Variants in MYO10 observed in about 807,000 individuals in gnomAD.
MYO10 encodes the protein unconventional myosin-X.
MYO10 carries 133 observed loss-of-function variants against 257.3 expected under a neutral mutation model. The observed-to-expected ratio is 0.52, with a 90% CI of 0.45 to 0.60. The LOEUF (loss-of-function observed/expected upper bound fraction) is 0.60. MYO10 is among the 20% of genes least tolerant of loss of function. The pLI is 0.00. For missense variants in MYO10, 2,399 were observed against 2,635.7 expected, an observed-to-expected ratio of 0.91 and a Z score of 1.97; for synonymous variants, 1,104 against 1,028.6, an observed-to-expected ratio of 1.07 and a Z score of -1.40.
intron 11 of MYO10, 35 bp from the exon 12 acceptor site, chr5:16,764,431 C>A (rs1364875080): frequency 6.2e-7 from 1 of 1,609,980 alleles, no homozygotes; most frequent in Non-Finnish European, 8.5e-7. Flanking sequence ...CTCAGCTGAC[C>A]CCGGGCACCC....
intron 21 of MYO10, chr5:16,710,705 G>T: frequency 1.7e-6 from 1 of 584,438 alleles, no homozygotes; most frequent in Non-Finnish European, 3.1e-6. Context: ...ATGAAACAGA[G>T]TCCCTGACAA....
chr5:16,827,146 T>C (rs566912815), intron 2 of MYO10, among the ~76,000 whole-genome samples: 75 of 152,294 alleles, frequency 4.9e-4, no homozygotes, highest in African/African-American at 1.5e-3. Flanking sequence ...GAGAATTTCA[T>C]TGGAATCTAA....
chr5:16,774,640 C>T (rs1741161905), intron 9 of MYO10, among the ~76,000 whole-genome samples: 1 of 152,096 alleles, frequency 6.6e-6, no homozygotes, highest in Non-Finnish European at 1.5e-5. Context: ...CCAGGATGGT[C>T]TCGATCTCCT....
chr5:16,818,496 G>A (rs1326382230), intron 2 of MYO10, among the ~76,000 whole-genome samples: 3 of 151,054 alleles, frequency 2.0e-5, no homozygotes, highest in African/African-American at 7.3e-5. Context: ...GAGTGCAGTG[G>A]CATGATTACA....
chr5:16,868,680 T>C (rs1218281469), intron 2 of MYO10, among the ~76,000 whole-genome samples: 1 of 152,186 alleles, frequency 6.6e-6, no homozygotes. Flanking sequence ...GATTTCTAAC[T>C]TGCAGGATAT....
intron 19 of MYO10, among the ~76,000 whole-genome samples, chr5:16,714,475 T>A (rs1738761449): frequency 6.6e-6 from 1 of 151,798 alleles, no homozygotes; most frequent in Admixed American, 6.5e-5. Flanking sequence ...GGGTCAGATC[T>A]GTGCTGGGTA....
rs1028109790 is a variant in MYO10 at position 16,831,797 on chromosome 5, C to T, written c.121-13630G>A. ...GTATACTACTCAGGTGATGGGTGCA[C>T]CAAAATCTCTCTAATCACCACTAAA... On this transcript the variant is annotated intron_variant, in intron 2 of 40. Transcript: ENST00000513610. 1.9e-4 allele frequency among the ~76,000 whole-genome samples: 29 copies of T among 151,968 alleles called. 1 individual carries two copies. Among genetic ancestry groups the T allele is most frequent in the Non-Finnish European group, 2.9e-5 (2 of 67,998 alleles).
intron 2 of MYO10, among the ~76,000 whole-genome samples, chr5:16,861,144 G>A (rs1201331676): frequency 6.6e-6 from 1 of 151,984 alleles, no homozygotes; most frequent in Non-Finnish European, 1.5e-5. Context: ...GTGCAGTCAG[G>A]GTTGAGAACC....
chr5:16,675,293 T>C (rs1736674166), intron 34 of MYO10, 143 bp from the exon 35 acceptor site: 1 of 799,688 alleles, frequency 1.3e-6, no homozygotes, highest in East Asian at 2.7e-5. Context: ...TCTCAATCAG[T>C]TGAACACAGA....
At chr5:16,789,642 A>G (rs1741695573) in intron 4 of MYO10, among the ~76,000 whole-genome samples, 1 of 152,194 alleles carries the variant, frequency 6.6e-6, no homozygotes, top group African/African-American at 2.4e-5. Context: ...GATAAAAAAA[A>G]GTTAGCCAGC....
chr5:16,913,072 C>T (rs553772181), intron 1 of MYO10, among the ~76,000 whole-genome samples: 36 of 151,924 alleles, frequency 2.4e-4, no homozygotes, highest in Non-Finnish European at 2.1e-4. Context: ...CTCTCAGTGC[C>T]TCCCTTCTTT....
chr5:16,746,096 G>T (rs2126635838), intron 19 of MYO10, among the ~76,000 whole-genome samples: 1 of 152,290 alleles, frequency 6.6e-6, no homozygotes, highest in Non-Finnish European at 1.5e-5. Flanking sequence ...CCATTTTTAT[G>T]TTTATTTCTT....
chr5:16,668,296 A>G lies in MYO10; in HGVS notation c.6056T>C (p.Leu2019Pro). 1 of 1,612,734 alleles carries G rather than the reference A, an allele frequency of 6.2e-7. No homozygotes were observed. Among genetic ancestry groups the G allele is most frequent in the Non-Finnish European group, 8.5e-7 (1 of 1,179,448 alleles). The change falls in exon 40 of 41, where the codon CTG (leucine) becomes CCG (proline). Residue 2019 changes from leucine to proline, a missense_variant. Leu to Pro is a moderately conservative substitution (Grantham distance 98). Transcript: ENST00000513610. ...TCTTACCTCACTGGTTTCAAAGAGC[A>G]GCTCCCTCTCATCGACCACGATCTT... Reference protein sequence around the residue: ...TYKIVVDERELLFETSEVVDV... With the variant: ...TYKIVVDEREPLFETSEVVDV...
chr5:16,744,079 A>T (rs1740102009), intron 19 of MYO10, among the ~76,000 whole-genome samples: 1 of 152,210 alleles, frequency 6.6e-6, no homozygotes, highest in Non-Finnish European at 1.5e-5. Flanking sequence ...GACTAAAGGA[A>T]AAACTTTTTT....
At chr5:16,805,292 G>C (rs538468879) in intron 3 of MYO10, among the ~76,000 whole-genome samples, 2 of 151,496 alleles carry the variant, frequency 1.3e-5, no homozygotes, top group Non-Finnish European at 2.9e-5. Flanking sequence ...GTGAAACCCC[G>C]TCTCTACTAA....
At chr5:16,700,823 G>T in intron 25 of MYO10, 140 bp downstream of exon 25, 1 of 1,107,044 alleles carries the variant, frequency 9.0e-7, no homozygotes, top group Non-Finnish European at 1.3e-6. Context: ...TAAGCAAAAG[G>T]TTTAAGATGA....
rs554323671 is a variant in MYO10 at position 16,914,491 on chromosome 5, C to A, written c.21+21297G>T. Among the ~76,000 whole-genome samples the A allele has an allele frequency of 1.6e-4, 24 of 152,348 alleles. No homozygotes were observed. In the East Asian group the frequency reaches 4.6e-3, roughly 29 times the overall value. ...GATCAGTGATATCTGACAGAACCTA[C>A]GTGGCCCACCTATGCCACTGTTAAT... On this transcript the variant is annotated intron_variant, in intron 1 of 40. Transcript: ENST00000513610.
At chr5:16,805,989 T>G (rs1290927531) in intron 3 of MYO10, among the ~76,000 whole-genome samples, 1 of 152,204 alleles carries the variant, frequency 6.6e-6, no homozygotes, top group African/African-American at 2.4e-5. Flanking sequence ...GACTTCAGCA[T>G]GCATATGTAT....
At chr5:16,714,814 AAACAAC>A (rs559710113) in intron 19 of MYO10, among the ~76,000 whole-genome samples, 1 of 152,128 alleles carries the variant, frequency 6.6e-6, no homozygotes, top group Non-Finnish European at 1.5e-5. Flanking sequence ...CAGAGCGAGA[AAACAAC>A]AACAACAACA....
Sources: allele counts gnomAD v4.1 joint callset (sites outside exome capture counted in the v4.1 genomes callset), GRCh38; gene constraint gnomAD v4.1.1; transcripts MANE v1.5; gene names NCBI Gene and HGNC (gene_info 2026-07-23, HGNC 2026-07-21).